The following TUBGCP3 variants were observed in gnomAD, a reference collection of about 807,000 sequenced individuals.
TUBGCP3 encodes tubulin gamma complex component 3, also known as gamma-tubulin complex component 3.
In TUBGCP3, 50 loss-of-function variants were observed where a neutral mutation model predicts 123.1. That is an observed-to-expected ratio of 0.41 (90% CI 0.32 to 0.51). The LOEUF is 0.51. Among genes scored for constraint, TUBGCP3 ranks in the 20% least tolerant of loss-of-function variants. The pLI, the probability that TUBGCP3 is intolerant of heterozygous loss-of-function variation, is 0.36. For missense variants in TUBGCP3, 882 were observed against 1,127.0 expected, an observed-to-expected ratio of 0.78 and a Z score of 3.11; for synonymous variants, 405 against 413.9, an observed-to-expected ratio of 0.98 and a Z score of 0.26.
Position 112,587,760 on chromosome 13 carries a change from G to A in TUBGCP3, c.76+145C>T, listed in dbSNP as rs555325320. The A allele has an allele frequency of 1.8e-5, 11 of 618,888 alleles. No homozygotes were observed. In the South Asian group the frequency reaches 2.7e-4, roughly 15 times the overall value. 38.3% of individuals were successfully genotyped at this position (618,888 alleles called of 1,614,324 possible). On this transcript the variant is annotated intron_variant, in intron 1 of 21. Transcript: ENST00000261965. Reference sequence around the variant, plus strand: ...ACCCCAGCCCTCCGCTCCCTCGTCCGGGCCCCACGTCCTCGGCCCGTCCCC... The same window carrying A: ...ACCCCAGCCCTCCGCTCCCTCGTCCAGGCCCCACGTCCTCGGCCCGTCCCC...
chr13:112,587,888 T>C lies in TUBGCP3; in HGVS notation c.76+17A>G. The C allele has an allele frequency of 6.3e-7, 1 of 1,584,612 alleles. No homozygotes were observed. The highest frequency in any genetic ancestry group is 8.6e-7 in the Non-Finnish European group (1 of 1,167,812). ...CCGGGACGGGTCTGCGGGCTTCGCG[T>C]CGCCCGGCCACTCTACCTTCGCTCC... is the stretch of plus-strand genomic sequence containing the variant. On this transcript the variant is annotated intron_variant, in intron 1 of 21. Coordinates refer to ENST00000261965, the MANE Select transcript of TUBGCP3 (RefSeq NM_006322.6).
intron 8 of TUBGCP3, among the ~76,000 whole-genome samples, chr13:112,549,824 A>T (rs1337119455): frequency 4.6e-5 from 7 of 151,734 alleles, no homozygotes. Flanking sequence ...CCCTGTCTCT[A>T]CTAAAAATAC....
chr13:112,597,301 T>C, the TUBGCP3 span, among the ~76,000 whole-genome samples: 1 of 152,238 alleles, frequency 6.6e-6, no homozygotes, highest in Non-Finnish European at 1.5e-5. Context: ...TTAAATTATC[T>C]TAACTTATGA....
At position 112,562,290 on chromosome 13, in the gene TUBGCP3, C is replaced by T. The variant is rs1353729224; in HGVS notation, c.252+2821G>A. Among the ~76,000 whole-genome samples, 5 of 151,810 alleles carry T rather than the reference C, an allele frequency of 3.3e-5. No homozygotes were observed. The East Asian group carries it at 9.7e-4, about 29-fold the overall frequency. ...TACTAGGGAACACCACCAGCCAGGACCTACTAGGGAACACCACCAGCCAGG... is the reference window on the plus strand; with the variant it reads ...TACTAGGGAACACCACCAGCCAGGATCTACTAGGGAACACCACCAGCCAGG... On this transcript the variant is annotated intron_variant, in intron 3 of 21. Transcript: ENST00000261965.
chr13:112,504,086 G>A lies in TUBGCP3; in HGVS notation c.2253C>T (p.His751=), dbSNP rs762750913. ...AQDLDHIIAA[H]EVFLDTIISR... is the part of the protein sequence containing the mutation. ...AGATGATGGTGTCTAAGAACACCTC[G>A]TGTGCAGCAATGATGTGATCCAAAT... Residue 751 remains histidine, a synonymous_variant, in exon 19 of 22, where the codon CAC becomes CAT. Transcript: ENST00000261965. The A allele has an allele frequency of 4.5e-5, 72 of 1,613,966 alleles. No homozygotes were observed. The highest frequency in any genetic ancestry group is 5.5e-5 in the South Asian group (5 of 91,076).
rs1362746368 is a variant in TUBGCP3 at position 112,588,100 on chromosome 13, C to T, written c.-120G>A. ...GCTCCCTGCTCCTGACAGGCTAAGG[C>T]GCGGGCGCCGCCGGCCACCAGGGCG... is the stretch of plus-strand genomic sequence containing the variant. On this transcript the variant is annotated 5_prime_UTR_variant, in exon 1 of 22. Coordinates refer to ENST00000261965, the MANE Select transcript of TUBGCP3 (RefSeq NM_006322.6). 3 of 891,158 alleles carry T rather than the reference C, an allele frequency of 3.4e-6. No individual in the cohort carries two copies. The highest frequency in any genetic ancestry group is 4.5e-6 in the Non-Finnish European group (3 of 659,800). The allele number at this position is 891,158 out of a possible 1,614,324, so 55.2% of individuals were successfully genotyped here.
rs1330554591 is a variant in TUBGCP3, at chr13:112,508,055, T to C, written c.2087-3341A>G. Among the ~76,000 whole-genome samples the C allele has an allele frequency of 2.6e-5, 4 of 152,098 alleles. No homozygotes were observed. The highest frequency in any genetic ancestry group is 7.2e-5 in the African/African-American group (3 of 41,426). On this transcript the variant is annotated intron_variant, in intron 17 of 21. Coordinates refer to ENST00000261965, the MANE Select transcript of TUBGCP3 (RefSeq NM_006322.6). This position sits in a 1 kb window ranked among gnomAD's most constrained non-coding sequence, Gnocchi z 4.2. ...ACTCCTGACATCCCACTCCAGCCCATCCCAGTGCTGCCTGGGGCCTTCCCC... is the reference window on the plus strand; with the variant it reads ...ACTCCTGACATCCCACTCCAGCCCACCCCAGTGCTGCCTGGGGCCTTCCCC...
chr13:112,501,472 C>G (rs1880902010), intron 19 of TUBGCP3, among the ~76,000 whole-genome samples: 1 of 152,226 alleles, frequency 6.6e-6, no homozygotes, highest in South Asian at 2.1e-4. Flanking sequence ...TCAGTGGTAC[C>G]AATTCACTCT....
At chr13:112,551,583 G>T (rs1346789934) in intron 8 of TUBGCP3, among the ~76,000 whole-genome samples, 1 of 152,202 alleles carries the variant, frequency 6.6e-6, no homozygotes, top group Non-Finnish European at 1.5e-5. Context: ...GGAAATGGAA[G>T]AACAGAGACA....
At chr13:112,559,122 A>G (rs1242302863) in intron 4 of TUBGCP3, among the ~76,000 whole-genome samples, 200 bp downstream of exon 4, 1 of 152,256 alleles carries the variant, frequency 6.6e-6, no homozygotes, top group African/African-American at 2.4e-5. Flanking sequence ...GAATAACAAA[A>G]TTCTGAAAAA....
intron 14 of TUBGCP3, chr13:112,521,635 T>C (rs1876635821): frequency 2.0e-6 from 2 of 982,096 alleles, no homozygotes; most frequent in African/African-American, 1.7e-5. Context: ...GTTACTATTT[T>C]GTGTCTTAAA....
Position 112,569,152 on chromosome 13 carries a change from G to A in TUBGCP3, c.184C>T (p.Leu62Phe), listed in dbSNP as rs1193305045. ...CATGACATTTAAGAAAAATACGTAC[G>A]CTCTTTCTTGATTTTTTCAGCTACT... ...FLVAEKIKKELIRQRREADAA... is the reference protein window; with the variant it reads ...FLVAEKIKKEFIRQRREADAA... The change falls in exon 2 of 22, where the codon CTT becomes TTT. Residue 62 changes from leucine to phenylalanine, a missense_variant and splice_region_variant. This residue lies in a region of TUBGCP3 where 713 missense variants were observed against 874.0 expected (regional missense o/e 0.82). Transcript: ENST00000261965. 7.4e-6 allele frequency: 12 copies of A among 1,613,810 alleles called. No individual in the cohort carries two copies. Among genetic ancestry groups the A allele is most frequent in the Non-Finnish European group, 1.0e-5 (12 of 1,179,848 alleles).
the TUBGCP3 span, chr13:112,603,670 G>A: frequency 1.3e-5 from 2 of 152,278 alleles, no homozygotes; most frequent in African/African-American, 4.8e-5. Context: ...AGGTTGCAGT[G>A]AGCTGAGATC....
intron 1 of TUBGCP3, among the ~76,000 whole-genome samples, chr13:112,571,651 T>C (rs1881403836): frequency 6.6e-6 from 1 of 152,206 alleles, no homozygotes; most frequent in South Asian, 2.1e-4. Context: ...TTCTCCTCTC[T>C]AGGAATGAAA....
intron 5 of TUBGCP3, 111 bp from the exon 6 acceptor site, chr13:112,556,335 C>G (rs1308614781): frequency 2.0e-6 from 2 of 1,017,612 alleles, no homozygotes; most frequent in African/African-American, 1.6e-5. Context: ...ATTTATAAAT[C>G]TGGTATAGCT....
chr13:112,501,345 G>T (rs1342885768), intron 19 of TUBGCP3, among the ~76,000 whole-genome samples: 1 of 152,236 alleles, frequency 6.6e-6, no homozygotes, highest in African/African-American at 2.4e-5. Context: ...GTTTGGAAGA[G>T]TTAATCCATC....
At chr13:112,537,513 A>G (rs1878161939) in intron 11 of TUBGCP3, among the ~76,000 whole-genome samples, 1 of 152,194 alleles carries the variant, frequency 6.6e-6, no homozygotes, top group African/African-American at 2.4e-5. Flanking sequence ...CATTGTGTAC[A>G]ATCCTTCTAC....
At chr13:112,517,431 T>G (rs1876230729) in intron 16 of TUBGCP3, among the ~76,000 whole-genome samples, 1 of 152,070 alleles carries the variant, frequency 6.6e-6, no homozygotes, top group South Asian at 2.1e-4. Context: ...ACGAAATAAT[T>G]AATTATCTCT....
In TUBGCP3 at chr13:112,522,463, A is replaced by C; in HGVS notation, c.1602T>G (p.Ile534Met). Residue 534 changes from isoleucine to methionine, a missense_variant, in exon 14 of 22, where the codon ATT (isoleucine) becomes ATG (methionine). Physicochemically the swap from Ile to Met is conservative, Grantham distance 10. This residue lies in a region of TUBGCP3 where 713 missense variants were observed against 874.0 expected (regional missense o/e 0.82). Transcript: ENST00000261965. Reference protein sequence around the residue: ...TDLENAFQGKIDAAYFETSKY... With the variant: ...TDLENAFQGKMDAAYFETSKY... ...TGCTGGTCTCAAAATAAGCAGCATC[A>C]ATCTTCCCCTGAAATGCATTTTCCA... The C allele has an allele frequency of 6.2e-7, 1 of 1,614,012 alleles. No individual in the cohort carries two copies. The highest frequency in any genetic ancestry group is 8.5e-7 in the Non-Finnish European group (1 of 1,179,858).
Sources: allele counts gnomAD v4.1 joint callset (sites outside exome capture counted in the v4.1 genomes callset), GRCh38; gene constraint gnomAD v4.1.1; regional missense constraint gnomAD v4.1.1; non-coding constraint Gnocchi (gnomAD v3.1); transcripts MANE v1.5; gene names NCBI Gene and HGNC (gene_info 2026-07-23, HGNC 2026-07-21).